The following IMMT variants were observed in gnomAD, a reference collection of about 807,000 sequenced individuals.
IMMT encodes the protein MICOS complex subunit MIC60.
In IMMT, 40 loss-of-function variants were observed where a neutral mutation model predicts 92.7. The ratio of observed to expected loss-of-function variants is 0.43; its 90% CI spans 0.34 to 0.56. The LOEUF (loss-of-function observed/expected upper bound fraction) is 0.56, where lower values mean the gene tolerates loss of function less well. Ranked by LOEUF, IMMT falls within the 20% of genes least tolerant of loss-of-function variation. The pLI, the probability that IMMT is intolerant of heterozygous loss-of-function variation, is 0.03. For missense variants in IMMT, 831 were observed against 912.1 expected, an observed-to-expected ratio of 0.91 and a Z score of 1.14; for synonymous variants, 322 against 336.1, an observed-to-expected ratio of 0.96 and a Z score of 0.46.
intron 14 of IMMT, among the ~76,000 whole-genome samples, chr2:86,145,757 C>A (rs1398636142): frequency 2.6e-5 from 4 of 152,096 alleles, no homozygotes; most frequent in Admixed American, 1.3e-4. Flanking sequence ...AGATAACCCA[C>A]CAAGTCTGTG....
intron 12 of IMMT, among the ~76,000 whole-genome samples, chr2:86,148,849 C>A (rs1675246314): frequency 1.4e-5 from 2 of 143,184 alleles, no homozygotes; most frequent in Admixed American, 1.4e-4. Flanking sequence ...TATAATAAAT[C>A]AATGAATCCA....
intron 4 of IMMT, 163 bp from the exon 5 acceptor site, chr2:86,171,508 C>T: frequency 1.5e-6 from 1 of 650,250 alleles, no homozygotes; most frequent in East Asian, 2.8e-5. Context: ...GGGGCACTGT[C>T]CACTGCATAC....
chr2:86,181,614 T>G (rs1347847842), intron 1 of IMMT, among the ~76,000 whole-genome samples: 2 of 152,080 alleles, frequency 1.3e-5, no homozygotes, highest in East Asian at 3.8e-4. Context: ...CAGACTATGA[T>G]CAATTAGCAC....
In IMMT at chr2:86,158,661, C is replaced by T; in HGVS notation, c.1093G>A (p.Ala365Thr). The change falls in exon 10 of 15, where the codon GCT (alanine) becomes ACT (threonine). Residue 365 changes from alanine (A) to threonine (T), a missense_variant. Ala to Thr is a moderately conservative substitution (Grantham distance 58). Coordinates refer to ENST00000410111, the MANE Select transcript of IMMT (RefSeq NM_006839.3). Reference protein sequence around the residue: ...VSQYHELVVQARDDFKRELDS... With the variant: ...VSQYHELVVQTRDDFKRELDS... ...AGCTCTCGTTTAAAGTCATCCCGAG[C>T]TTGGACCACCAGCTCATGATACTGA... 1 of 1,604,422 alleles carries T rather than the reference C, an allele frequency of 6.2e-7. No individual in the cohort carries two copies. Among genetic ancestry groups the T allele is most frequent in the Non-Finnish European group, 8.5e-7 (1 of 1,175,046 alleles).
chr2:86,191,014 A>G (rs1245328098), intron 1 of IMMT, among the ~76,000 whole-genome samples: 1 of 151,974 alleles, frequency 6.6e-6, no homozygotes, highest in Admixed American at 6.6e-5. Flanking sequence ...TTATGTGTCA[A>G]CTTGGACTGT....
chr2:86,176,542 T>G (rs1185156590), intron 3 of IMMT, among the ~76,000 whole-genome samples: 1 of 152,110 alleles, frequency 6.6e-6, no homozygotes, highest in African/African-American at 2.4e-5. Context: ...CAAGATAGGA[T>G]AGCTAACAAA....
intron 1 of IMMT, among the ~76,000 whole-genome samples, chr2:86,189,474 T>C (rs1672987449): frequency 6.6e-6 from 1 of 152,136 alleles, no homozygotes; most frequent in African/African-American, 2.4e-5. Context: ...ACCTCAAGTG[T>C]TCCGCCCCAT....
Position 86,145,468 on chromosome 2 carries a change from C to T in IMMT, c.1664-587G>A, listed in dbSNP as rs560087938. On this transcript the variant is annotated intron_variant, in intron 14 of 14. Coordinates refer to ENST00000410111, the MANE Select transcript of IMMT (RefSeq NM_006839.3). ...CGATATCACACCACTGCACTCTACC[C>T]TGGGCGACAGAGCAAGACTCTGTCT... Among the ~76,000 whole-genome samples the T allele has an allele frequency of 1.2e-3, 158 of 132,388 alleles. 2 individuals are homozygous for T. Among genetic ancestry groups the T allele is most frequent in the South Asian group, 2.1e-3 (9 of 4,198 alleles). 86.9% of individuals were successfully genotyped at this position (132,388 alleles called of 152,430 possible).
At chr2:86,170,920 C>G in intron 5 of IMMT, 76 bp from the exon 6 acceptor site, 1 of 1,178,610 alleles carries the variant, frequency 8.5e-7, no homozygotes, top group Non-Finnish European at 1.2e-6. Context: ...ATAAAAAAAG[C>G]ATCGTTTGTA....
intron 1 of IMMT, among the ~76,000 whole-genome samples, chr2:86,184,394 T>C (rs1229159227): frequency 6.6e-6 from 1 of 152,142 alleles, no homozygotes; most frequent in African/African-American, 2.4e-5. Flanking sequence ...CAAGCTAGTT[T>C]TGAACTCATG....
intron 7 of IMMT, among the ~76,000 whole-genome samples, chr2:86,163,265 T>C (rs1382965660): frequency 6.6e-6 from 1 of 152,070 alleles, no homozygotes; most frequent in East Asian, 1.9e-4. Context: ...CACAGTGAGC[T>C]GTAATCACAC....
At chr2:86,183,789 T>C (rs1672582106) in intron 1 of IMMT, among the ~76,000 whole-genome samples, 2 of 152,212 alleles carry the variant, frequency 1.3e-5, no homozygotes, top group African/African-American at 4.8e-5. Context: ...AATTCTCTAT[T>C]AAAGTTCAAG....
chr2:86,148,136 T>C (rs1342945459), intron 12 of IMMT, among the ~76,000 whole-genome samples: 2 of 152,220 alleles, frequency 1.3e-5, no homozygotes, highest in Non-Finnish European at 2.9e-5. Flanking sequence ...TGCCATTTCC[T>C]GAATCACATG....
At chr2:86,182,941 G>A (rs897811563) in intron 1 of IMMT, among the ~76,000 whole-genome samples, 10 of 151,788 alleles carry the variant, frequency 6.6e-5, no homozygotes, top group African/African-American at 2.4e-4. Flanking sequence ...TACCTACCCT[G>A]TAGAATTCCC....
chr2:86,144,222 A>G lies in IMMT; in HGVS notation c.*46T>C. 1 of 1,602,706 alleles carries G rather than the reference A, an allele frequency of 6.2e-7. No homozygotes were observed. The highest frequency in any genetic ancestry group is 8.5e-7 in the Non-Finnish European group (1 of 1,172,858). On this transcript the variant is annotated 3_prime_UTR_variant, in exon 15 of 15. Coordinates refer to ENST00000410111, the MANE Select transcript of IMMT (RefSeq NM_006839.3). ...GCGAACCCTTCATCTATCACTGCTG[A>G]TTTCCTTTGACATGAAATATGACTT...
At chr2:86,190,489 C>T (rs1673048359) in intron 1 of IMMT, among the ~76,000 whole-genome samples, 1 of 152,266 alleles carries the variant, frequency 6.6e-6, no homozygotes, top group East Asian at 1.9e-4. Context: ...CTAGGCTAGG[C>T]GGAAAGCCCA....
At chr2:86,171,442 G>T in intron 4 of IMMT, 97 bp from the exon 5 acceptor site, 3 of 1,096,742 alleles carry the variant, frequency 2.7e-6, no homozygotes, top group South Asian at 1.3e-5. Context: ...CTTCACATCT[G>T]ACTCCTTAGA....
chr2:86,172,991 C>A (rs1677200853), intron 4 of IMMT, among the ~76,000 whole-genome samples: 1 of 152,162 alleles, frequency 6.6e-6, no homozygotes, highest in African/African-American at 2.4e-5. Context: ...GAAATATTAG[C>A]TGAAAAAATT....
Position 86,151,345 on chromosome 2 carries a change from T to C in IMMT, c.1353A>G (p.Lys451=). 6.2e-7 allele frequency: 1 copy of C among 1,614,018 alleles called. No homozygotes were observed. Among genetic ancestry groups the C allele is most frequent in the East Asian group, 2.2e-5 (1 of 44,878 alleles). Residue 451 remains lysine (K), a synonymous_variant, in exon 12 of 15, where the codon AAA becomes AAG. Coordinates refer to ENST00000410111, the MANE Select transcript of IMMT (RefSeq NM_006839.3). ...EKRAFDSAVA[K]ALEHHRSEIQ... ...TTTCACTTCTGTGATGTTCTAATGC[T>C]TTTGCTACTGCAGAGTCAAATGCCC...
Sources: allele counts gnomAD v4.1 joint callset (sites outside exome capture counted in the v4.1 genomes callset), GRCh38; gene constraint gnomAD v4.1.1; transcripts MANE v1.5; gene names NCBI Gene and HGNC (gene_info 2026-07-23, HGNC 2026-07-21).